ATRX: variants seen among roughly 807,000 people sequenced by gnomAD.
ATRX encodes the protein ATRX chromatin remodeler.
ATRX carries 12 observed loss-of-function variants against 172.6 expected under a neutral mutation model. The ratio of observed to expected loss-of-function variants is 0.07; its 90% CI spans 0.04 to 0.11. The LOEUF (loss-of-function observed/expected upper bound fraction) is 0.11. Ranked by LOEUF, ATRX falls within the 10% of genes least tolerant of loss-of-function variation. The pLI is 1.00. For synonymous variants in ATRX, 674 were observed against 594.7 expected (o/e 1.13, Z -1.94); for missense variants, 1,368 against 1,767.4 (o/e 0.77, Z 4.05).
In ATRX at chrX:77,572,745, A is replaced by G. The variant is rs188209425; in HGVS notation, c.6326+1505T>C. Among the ~76,000 whole-genome samples, 39 of 112,132 alleles carry G rather than the reference A, an allele frequency of 3.5e-4. 1 individual carries two copies. The highest frequency in any genetic ancestry group is 1.2e-3 in the African/African-American group (38 of 31,042). On this transcript the variant is annotated intron_variant, in intron 28 of 34. Transcript: ENST00000373344. ...AAACATGAAAAACACAGAATATAAA[A>G]ATGTATTTATTCTTTAAACAATTAT...
At position 77,664,683 on chromosome X, in the gene ATRX, C is replaced by A; in HGVS notation, c.3905G>T (p.Arg1302Ile). The change falls in exon 11 of 35, where the codon AGA (arginine) becomes ATA (isoleucine). Residue 1302 changes from arginine (R) to isoleucine (I), a missense_variant. Around this residue, in one of 17 missense-constraint regions of ATRX, gnomAD observed 119 missense variants for 131.3 expected, o/e 0.91. Coordinates refer to ENST00000373344, the MANE Select transcript of ATRX (RefSeq NM_000489.6). ...SDDEPEEGKK[R>I]TGKQNEENPG... ...GTTTTCTTCATTTTGTTTTCCAGTT[C>A]TTTTTTTCCCTTCTTCTGGCTCATC... 1 of 1,210,896 alleles carries A rather than the reference C, an allele frequency of 8.3e-7. No individual in the cohort carries two copies. Among genetic ancestry groups the A allele is most frequent in the Non-Finnish European group, 1.1e-6 (1 of 895,013 alleles).
chrX:77,571,053 G>A (rs1447677447), intron 28 of ATRX, among the ~76,000 whole-genome samples: 2 of 109,145 alleles, frequency 1.8e-5, no homozygotes, highest in Non-Finnish European at 3.8e-5. Flanking sequence ...AAAAAACAGT[G>A]ATAATAGCAA....
At chrX:77,586,796 C>T (rs1314003810) in intron 27 of ATRX, among the ~76,000 whole-genome samples, 1 of 111,651 alleles carries the variant, frequency 9.0e-6, no homozygotes, top group Non-Finnish European at 1.9e-5. Context: ...TGGTAGCTCA[C>T]GCCTGTAATC....
At chrX:77,571,788 T>C (rs186540032) in intron 28 of ATRX, among the ~76,000 whole-genome samples, 1 of 111,396 alleles carries the variant, frequency 9.0e-6, no homozygotes, top group East Asian at 2.8e-4. Flanking sequence ...CAAGTTCAGG[T>C]GAATCTATAA....
intron 32 of ATRX, 170 bp downstream of exon 32, chrX:77,522,093 A>G: frequency 3.4e-6 from 2 of 591,294 alleles, no homozygotes; most frequent in Non-Finnish European, 5.5e-6. Context: ...ACCACATTTT[A>G]CAACATCATG....
At chrX:77,627,451 C>T (rs782263977) in intron 19 of ATRX, among the ~76,000 whole-genome samples, 2 of 110,500 alleles carry the variant, frequency 1.8e-5, no homozygotes, top group East Asian at 5.7e-4. Context: ...TTTAGCTGGA[C>T]TTGGTGGCTC....
chrX:77,713,650 G>A (rs1190869093), intron 2 of ATRX, among the ~76,000 whole-genome samples: 13 of 111,539 alleles, frequency 1.2e-4, no homozygotes, highest in African/African-American at 4.2e-4. Flanking sequence ...AGTATATACT[G>A]ATACAAATAA....
At chrX:77,544,233 T>C (rs1557052226) in intron 30 of ATRX, among the ~76,000 whole-genome samples, 3 of 111,012 alleles carry the variant, frequency 2.7e-5, no homozygotes, top group African/African-American at 9.8e-5. Flanking sequence ...TTTTTCTGGT[T>C]TGAATATGTT....
At chrX:77,702,531 T>C (rs1468075629) in intron 2 of ATRX, among the ~76,000 whole-genome samples, 19 of 111,245 alleles carry the variant, frequency 1.7e-4, no homozygotes, top group Non-Finnish European at 3.6e-4. Context: ...CAAAAATCAA[T>C]GTTATGTCTA....
chrX:77,671,167 A>AATATATATATATATAT (rs3063061), intron 10 of ATRX, among the ~76,000 whole-genome samples: 6 of 15,733 alleles, frequency 3.8e-4, no homozygotes, highest in East Asian at 1.5e-3. Context: ...AAAAAAAAAA[A>AATATATATATATATAT]ATATATATAT....
At chrX:77,771,484 A>C (rs1321602413) in intron 1 of ATRX, among the ~76,000 whole-genome samples, 2 of 109,529 alleles carry the variant, frequency 1.8e-5, no homozygotes, top group Non-Finnish European at 3.8e-5. Flanking sequence ...TTCTCAAGGC[A>C]CCCAAGGGCT....
At chrX:77,756,629 G>A (rs1257720252) in intron 1 of ATRX, among the ~76,000 whole-genome samples, 3 of 110,261 alleles carry the variant, frequency 2.7e-5, no homozygotes, top group East Asian at 2.8e-4. Flanking sequence ...GAGAGGCGAC[G>A]CCCCACCCTG....
intron 22 of ATRX, among the ~76,000 whole-genome samples, chrX:77,612,434 G>A (rs1239956024): frequency 9.1e-6 from 1 of 109,757 alleles, no homozygotes; most frequent in Non-Finnish European, 1.9e-5. Flanking sequence ...GAGGGGCAAG[G>A]GGAGGAAGAG....
chrX:77,706,977 A>G (rs2072859512), intron 2 of ATRX, among the ~76,000 whole-genome samples: 1 of 112,505 alleles, frequency 8.9e-6, no homozygotes, highest in South Asian at 3.6e-4. Context: ...CCAAGTGTCC[A>G]TTGAAATATG....
rs2071222758 is a variant in ATRX, at chrX:77,681,887, G to T, written c.3369C>A (p.Asn1123Lys). 3 of 1,206,880 alleles carry T rather than the reference G, an allele frequency of 2.5e-6. No individual in the cohort carries two copies. Among genetic ancestry groups the T allele is most frequent in the Admixed American group, 4.4e-5 (2 of 45,573 alleles). Reference protein sequence around the residue: ...EKYSMKEDGCNSSDKRLKRIE... With the variant: ...EKYSMKEDGCKSSDKRLKRIE... ...TTCTTTTCAGTCTCTTATCAGAAGA[G>T]TTACAACCATCTTCTTTCATGGAAT... Residue 1123 changes from asparagine (N) to lysine (K), a missense_variant, in exon 9 of 35, where the codon AAC becomes AAA. Asn to Lys is a moderately conservative substitution (Grantham distance 94, BLOSUM62 0). Around this residue, in one of 17 missense-constraint regions of ATRX, gnomAD observed 843 missense variants for 643.1 expected, o/e 1.31. Transcript: ENST00000373344.
Position 77,726,262 on chromosome X carries a change from G to A in ATRX, c.21-9019C>T, listed in dbSNP as rs192110151. 2.4e-4 allele frequency among the ~76,000 whole-genome samples: 26 copies of A among 110,620 alleles called. No individual in the cohort carries two copies. In the East Asian group the frequency reaches 6.9e-3, roughly 29 times the overall value. On this transcript the variant is annotated intron_variant, in intron 1 of 34. Transcript: ENST00000373344. ...TGACAGACTGGATTAAGAAAATGTG[G>A]CACATACACACCATGGAATACTATG...
chrX:77,599,272 T>C, intron 25 of ATRX, 139 bp downstream of exon 25: 1 of 636,287 alleles, frequency 1.6e-6, no homozygotes, highest in Non-Finnish European at 2.5e-6. Context: ...ACTGTAATTA[T>C]GAGTACTTGA....
chrX:77,593,041 C>T (rs1279112474), intron 26 of ATRX, among the ~76,000 whole-genome samples: 2 of 107,496 alleles, frequency 1.9e-5, no homozygotes, highest in African/African-American at 6.8e-5. Context: ...CTGGGCAACA[C>T]GGTGAAACCC....
intron 1 of ATRX, among the ~76,000 whole-genome samples, chrX:77,773,538 A>T (rs899403572): frequency 9.1e-6 from 1 of 109,959 alleles, no homozygotes; most frequent in East Asian, 2.9e-4. Context: ...CGGATCACGA[A>T]GTCAGGATAT....
Sources: allele counts gnomAD v4.1 joint callset (sites outside exome capture counted in the v4.1 genomes callset), GRCh38; gene constraint gnomAD v4.1.1; regional missense constraint gnomAD v4.1.1; transcripts MANE v1.5; gene names NCBI Gene and HGNC (gene_info 2026-07-23, HGNC 2026-07-21).